The following LRRC8D variants were observed in gnomAD, a reference collection of about 807,000 sequenced individuals.
LRRC8D encodes the protein volume-regulated anion channel subunit LRRC8D.
A neutral mutation model predicts 55.8 loss-of-function variants in LRRC8D; 20 were observed. That is an observed-to-expected ratio of 0.36 (90% CI 0.25 to 0.52). LRRC8D has a LOEUF of 0.52. LRRC8D is among the 20% of genes least tolerant of loss of function. The pLI, the probability that LRRC8D is intolerant of heterozygous loss-of-function variation, is 0.93. For synonymous variants in LRRC8D, 352 were observed against 377.0 expected, an observed-to-expected ratio of 0.93 and a Z score of 0.77; for missense variants, 651 against 1,030.8, an observed-to-expected ratio of 0.63 and a Z score of 5.05.
chr1:89,881,850 G>C (rs933957444), intron 2 of LRRC8D, among the ~76,000 whole-genome samples: 12 of 152,188 alleles, frequency 7.9e-5, no homozygotes, highest in African/African-American at 2.9e-4. Flanking sequence ...GCCCAGAACA[G>C]CAAGGCCATG....
chr1:89,931,219 A>T (rs1312458896), intron 2 of LRRC8D, among the ~76,000 whole-genome samples: 5 of 148,634 alleles, frequency 3.4e-5, no homozygotes, highest in African/African-American at 1.2e-4. Flanking sequence ...AATATTATGA[A>T]CCTACTCTGT....
intron 1 of LRRC8D, among the ~76,000 whole-genome samples, chr1:89,834,538 T>G (rs1413960240): frequency 2.0e-5 from 3 of 152,254 alleles, no homozygotes; most frequent in Non-Finnish European, 4.4e-5. Flanking sequence ...GGTCTCTTTC[T>G]CATCCACAAT....
chr1:89,911,099 G>C lies in LRRC8D; in HGVS notation c.-2-21968G>C, dbSNP rs1293812143. Among the ~76,000 whole-genome samples, 1 of 151,934 alleles carries C rather than the reference G, an allele frequency of 6.6e-6. No individual in the cohort carries two copies. ...CTTGACCTTCCCAGGGAGTTTCAGC[G>C]GGTGAGAAAGCCTGACACTGCTTGG... On this transcript the variant is annotated intron_variant, in intron 2 of 2. Transcript: ENST00000337338. This position sits in a 1 kb window ranked among gnomAD's most constrained non-coding sequence, Gnocchi z 4.0.
chr1:89,879,467 A>C (rs1007180250), intron 2 of LRRC8D, among the ~76,000 whole-genome samples: 24 of 152,332 alleles, frequency 1.6e-4, no homozygotes, highest in African/African-American at 5.5e-4. Flanking sequence ...TCTGGTAGAG[A>C]TGTTGAAATG....
chr1:89,917,516 CCTT>C (rs1220777320), intron 2 of LRRC8D, among the ~76,000 whole-genome samples: 1 of 152,116 alleles, frequency 6.6e-6, no homozygotes, highest in African/African-American at 2.4e-5. Flanking sequence ...TGGGCACTAG[CCTT>C]CTTTCAGTTC....
chr1:89,909,306 C>A lies in LRRC8D; in HGVS notation c.-2-23761C>A, dbSNP rs1663073600. On this transcript the variant is annotated intron_variant, in intron 2 of 2. Transcript: ENST00000337338. ...GTGATTGTGTCATTAGTAATAAAGTCCCGAGGCATTTAGGAAACACACTGC... is the reference window on the plus strand; with the variant it reads ...GTGATTGTGTCATTAGTAATAAAGTACCGAGGCATTTAGGAAACACACTGC... 2.0e-5 allele frequency among the ~76,000 whole-genome samples: 3 copies of A among 151,906 alleles called. No homozygotes were observed. In the South Asian group the frequency reaches 6.2e-4, roughly 32 times the overall value.
chr1:89,848,730 C>T (rs768274264), intron 2 of LRRC8D, among the ~76,000 whole-genome samples: 1 of 151,570 alleles, frequency 6.6e-6, no homozygotes, highest in South Asian at 2.1e-4. Context: ...GACTGAGTCT[C>T]GCCTTGTCAC....
chr1:89,872,411 T>C (rs1266811556), intron 2 of LRRC8D, among the ~76,000 whole-genome samples: 1 of 152,208 alleles, frequency 6.6e-6, no homozygotes, highest in Non-Finnish European at 1.5e-5. Flanking sequence ...GTTGGTGCTT[T>C]CTTTACTCTC....
At chr1:89,856,347 C>T (rs181683813) in intron 2 of LRRC8D, among the ~76,000 whole-genome samples, 2 of 152,310 alleles carry the variant, frequency 1.3e-5, no homozygotes, top group Non-Finnish European at 2.9e-5. Context: ...CACACACACA[C>T]ACTCTCAGGT....
intron 2 of LRRC8D, among the ~76,000 whole-genome samples, chr1:89,861,213 T>C (rs1470744070): frequency 6.6e-6 from 1 of 152,190 alleles, no homozygotes; most frequent in Admixed American, 6.5e-5. Flanking sequence ...GAAAAGCCCA[T>C]GCTTAAATAC....
intron 2 of LRRC8D, among the ~76,000 whole-genome samples, chr1:89,899,332 G>C (rs1331896465): frequency 6.6e-6 from 1 of 152,184 alleles, no homozygotes; most frequent in African/African-American, 2.4e-5. Flanking sequence ...CCGGTGACCT[G>C]TCTTTTCTGC....
intron 2 of LRRC8D, among the ~76,000 whole-genome samples, chr1:89,903,284 GTTTC>G (rs1474411666): frequency 2.0e-5 from 3 of 152,194 alleles, no homozygotes; most frequent in African/African-American, 2.4e-5. Flanking sequence ...CTGATTTTGA[GTTTC>G]TTTCTTTCAC....
At chr1:89,920,601 C>T (rs971240640) in intron 2 of LRRC8D, among the ~76,000 whole-genome samples, 1 of 146,638 alleles carries the variant, frequency 6.8e-6, no homozygotes, top group Non-Finnish European at 1.5e-5. Flanking sequence ...CGTTTCGTTT[C>T]TATATAGAAT....
chr1:89,932,997 T>A, intron 2 of LRRC8D, 70 bp from the exon 3 acceptor site: 1 of 1,382,236 alleles, frequency 7.2e-7, no homozygotes, highest in Non-Finnish European at 1.0e-6. Flanking sequence ...GGAGCAGGCA[T>A]AGGGTTTTTC....
chr1:89,876,823 G>A (rs972010401), intron 2 of LRRC8D, among the ~76,000 whole-genome samples: 8 of 152,096 alleles, frequency 5.3e-5, no homozygotes, highest in African/African-American at 1.4e-4. Context: ...TTTAGCATTC[G>A]GTCCTTTATA....
At chr1:89,837,779 G>A (rs530111946) in intron 1 of LRRC8D, among the ~76,000 whole-genome samples, 4 of 152,224 alleles carry the variant, frequency 2.6e-5, no homozygotes, top group African/African-American at 7.2e-5. Flanking sequence ...TTTCTCTTTC[G>A]TGCTATTTGC....
intron 2 of LRRC8D, among the ~76,000 whole-genome samples, chr1:89,890,203 A>T (rs1295113485): frequency 6.8e-6 from 1 of 146,878 alleles, no homozygotes; most frequent in Non-Finnish European, 1.5e-5. Context: ...ATAAATAAAT[A>T]AAATAAAATA....
chr1:89,842,610 G>A (rs1251510134), intron 1 of LRRC8D, among the ~76,000 whole-genome samples: 1 of 152,058 alleles, frequency 6.6e-6, no homozygotes, highest in Non-Finnish European at 1.5e-5. Context: ...CGTTTGTCAA[G>A]AGACAGTCCT....
In LRRC8D at chr1:89,848,760, C is replaced by T. The variant is rs918088369; in HGVS notation, c.-3+4978C>T. 2.6e-5 allele frequency among the ~76,000 whole-genome samples: 4 copies of T among 151,640 alleles called. No individual in the cohort carries two copies. In the East Asian group the frequency reaches 5.8e-4, roughly 22 times the overall value. On this transcript the variant is annotated intron_variant, in intron 2 of 2. Coordinates refer to ENST00000337338, the MANE Select transcript of LRRC8D (RefSeq NM_001134479.2). ...TGTCACCCAGGCTGGAGTGCAGTGG[C>T]GCGATCTCGGCTCACTGCAAGCTCT...
Sources: gnomAD v4.1 joint callset for allele counts (sites outside exome capture counted in the v4.1 genomes callset) on GRCh38, gnomAD v4.1.1 for gene constraint, Gnocchi (gnomAD v3.1) non-coding constraint, MANE v1.5 for transcripts, NCBI Gene and HGNC (gene_info 2026-07-23, HGNC 2026-07-21) for gene names.